Variants in PPP1R13L observed in about 807,000 individuals in gnomAD.
The protein encoded by PPP1R13L is protein phosphatase 1 regulatory subunit 13 like, also known as relA-associated inhibitor.
Under a neutral mutation model 80.9 loss-of-function variants are expected in PPP1R13L, and 50 were observed. The ratio of observed to expected loss-of-function variants is 0.62; its 90% CI spans 0.49 to 0.78. PPP1R13L has a LOEUF of 0.78. Ranked by LOEUF, PPP1R13L falls within the 30% of genes least tolerant of loss-of-function variation. The probability of loss-of-function intolerance (pLI) is 0.00; values close to 1 mark genes in which losing one functional copy is unlikely to be tolerated. For missense variants in PPP1R13L, 1,200 were observed against 1,205.9 expected (o/e 1.00, Z 0.07); for synonymous variants, 602 against 534.3 (o/e 1.13, Z -1.75).
At chr19:45,389,092 A>T (rs1165575098) in intron 8 of PPP1R13L, among the ~76,000 whole-genome samples, 1 of 152,122 alleles carries the variant, frequency 6.6e-6, no homozygotes, top group African/African-American at 2.4e-5. Context: ...AGGGCTCTAA[A>T]ATGTTACTAT....
intron 7 of PPP1R13L, chr19:45,393,068 C>T (rs1973011431): frequency 6.6e-6 from 1 of 150,594 alleles, no homozygotes; most frequent in Non-Finnish European, 1.5e-5. Context: ...TGCCTGTAAT[C>T]CCAGCTACTC....
chr19:45,398,422 G>T (rs374836161), intron 1 of PPP1R13L, 83 bp from the exon 2 acceptor site: 16 of 1,353,628 alleles, frequency 1.2e-5, no homozygotes, highest in Admixed American at 6.1e-5. Context: ...CGTCAGGAGC[G>T]GGACAACGCC....
At position 45,382,682 on chromosome 19, in the gene PPP1R13L, C is replaced by A; in HGVS notation, c.2293G>T (p.Ala765Ser). Residue 765 changes from alanine to serine, a missense_variant, in exon 12 of 13, where the codon GCT becomes TCT. Ala to Ser is a moderately conservative substitution (Grantham distance 99, BLOSUM62 1). This residue lies in a region of PPP1R13L where 165 missense variants were observed against 177.1 expected (regional missense o/e 0.93). Transcript: ENST00000360957. Reference sequence around the variant, plus strand: ...AACTCGGCGCTGTAGTCCCAGAGAGCGTACACTGCCCCGCTGTTCATCAGC... The same window carrying A: ...AACTCGGCGCTGTAGTCCCAGAGAGAGTACACTGCCCCGCTGTTCATCAGC... ...MGLMNSGAVY[A>S]LWDYSAEFGD... 2 of 1,614,054 alleles carry A rather than the reference C, an allele frequency of 1.2e-6. No homozygotes were observed. The highest frequency in any genetic ancestry group is 1.7e-5 in the Admixed American group (1 of 60,030).
At chr19:45,393,927 C>G (rs1973030255) in intron 7 of PPP1R13L, among the ~76,000 whole-genome samples, 1 of 152,034 alleles carries the variant, frequency 6.6e-6, no homozygotes, top group African/African-American at 2.4e-5. Context: ...CCAAAACACA[C>G]ACACATACAC....
intron 1 of PPP1R13L, among the ~76,000 whole-genome samples, chr19:45,400,562 G>T (rs1460565594): frequency 2.6e-5 from 4 of 151,386 alleles, no homozygotes; most frequent in Non-Finnish European, 5.9e-5. Flanking sequence ...CCACTCCCTG[G>T]GCCTCAGTCT....
intron 8 of PPP1R13L, among the ~76,000 whole-genome samples, chr19:45,389,888 C>A (rs932781473): frequency 6.6e-6 from 1 of 151,812 alleles, no homozygotes; most frequent in African/African-American, 2.4e-5. Context: ...CTCCGCCTCC[C>A]GGGCTCACGC....
intron 1 of PPP1R13L, 49 bp downstream of exon 1, chr19:45,404,950 G>T (rs1014186896): frequency 2.1e-6 from 2 of 974,540 alleles, no homozygotes; most frequent in Non-Finnish European, 2.4e-6. Flanking sequence ...CAGGGACGCG[G>T]GTGTTGGGCT....
chr19:45,391,400 G>A (rs1235932501), intron 8 of PPP1R13L, among the ~76,000 whole-genome samples: 2 of 152,216 alleles, frequency 1.3e-5, no homozygotes, highest in African/African-American at 4.8e-5. Context: ...CACAGGCACA[G>A]GTTATTGGAG....
intron 3 of PPP1R13L, 41 bp downstream of exon 3, chr19:45,397,964 G>C (rs1490711513): frequency 6.3e-6 from 10 of 1,583,788 alleles, no homozygotes; most frequent in African/African-American, 2.7e-5. Context: ...GGACTGTGGC[G>C]AGAGGCTGGC....
At chr19:45,386,397 GCCCTGAAACTT>G (rs762644310) in intron 8 of PPP1R13L, among the ~76,000 whole-genome samples, 1 of 152,092 alleles carries the variant, frequency 6.6e-6, no homozygotes, top group African/African-American at 2.4e-5. Flanking sequence ...AGAATCTTGG[GCCCTGAAACTT>G]GGGAGAAAGC....
In PPP1R13L at chr19:45,398,265, C is replaced by T; in HGVS notation, c.54G>A (p.Gln18=). The change falls in exon 2 of 13, where the codon CAG becomes CAA. Residue 18 remains glutamine (Q), a splice_region_variant and synonymous_variant. Coordinates refer to ENST00000360957, the MANE Select transcript of PPP1R13L (RefSeq NM_006663.4). ...SARDFLDMNF[Q]SLAMKHMDLK... Reference sequence around the variant, plus strand: ...GCCCCGCCCCCTACTCCAGCTTACACTGGAAGTTCATGTCCAGAAAGTCCC... The same window carrying T: ...GCCCCGCCCCCTACTCCAGCTTACATTGGAAGTTCATGTCCAGAAAGTCCC... 6.2e-7 allele frequency: 1 copy of T among 1,613,992 alleles called. No individual in the cohort carries two copies. The highest frequency in any genetic ancestry group is 1.7e-4 in the Middle Eastern group (1 of 6,060).
At chr19:45,404,715 T>G (rs1422490823) in intron 1 of PPP1R13L, among the ~76,000 whole-genome samples, 1 of 152,038 alleles carries the variant, frequency 6.6e-6, no homozygotes, top group African/African-American at 2.4e-5. Flanking sequence ...ACCCAAAGAC[T>G]CGGCTTCCTA....
At chr19:45,389,097 T>C (rs1485278578) in intron 8 of PPP1R13L, among the ~76,000 whole-genome samples, 1 of 152,208 alleles carries the variant, frequency 6.6e-6, no homozygotes, top group Non-Finnish European at 1.5e-5. Context: ...TCTAAAATGT[T>C]ACTATCCTAA....
chr19:45,398,321 T>G lies in PPP1R13L; in HGVS notation c.-3A>C. On this transcript the variant is annotated 5_prime_UTR_variant, in exon 2 of 13. Transcript: ENST00000360957. ...CTCTGGAATGCCTCGCTGTCCATGGTGCCGGCCGGAGCGGGCGCCTGCATG... is the reference window on the plus strand; with the variant it reads ...CTCTGGAATGCCTCGCTGTCCATGGGGCCGGCCGGAGCGGGCGCCTGCATG... 6.2e-7 allele frequency: 1 copy of G among 1,613,552 alleles called. No homozygotes were observed. The highest frequency in any genetic ancestry group is 8.5e-7 in the Non-Finnish European group (1 of 1,179,878).
intron 9 of PPP1R13L, 44 bp from the exon 10 acceptor site, chr19:45,386,001 C>T: frequency 6.4e-7 from 1 of 1,560,964 alleles, no homozygotes; most frequent in African/African-American, 1.4e-5. Flanking sequence ...CCGCGGCTGG[C>T]ATCTGCGATG....
chr19:45,396,216 C>A lies in PPP1R13L; in HGVS notation c.855G>T (p.Leu285=). The A allele has an allele frequency of 6.2e-7, 1 of 1,612,128 alleles. No individual in the cohort carries two copies. Among genetic ancestry groups the A allele is most frequent in the Non-Finnish European group, 8.5e-7 (1 of 1,179,740 alleles). Residue 285 remains leucine, a synonymous_variant, in exon 6 of 13, where the codon CTG becomes CTT. Transcript: ENST00000360957. The surrounding 1 kb of genome is among the most constrained non-coding windows in gnomAD (Gnocchi z 5.3). ...FARPASPSLQ[L]LPWRESSLDG... ...CCAGGCTGCTCTCCCTCCAAGGCAA[C>A]AGCTGCAGGCTCGGCGAGGCAGGCC...
At position 45,396,949 on chromosome 19, in the gene PPP1R13L, G is replaced by T; in HGVS notation, c.308C>A (p.Ala103Asp). The T allele has an allele frequency of 7.0e-7, 1 of 1,429,594 alleles. No individual in the cohort carries two copies. The highest frequency in any genetic ancestry group is 9.1e-7 in the Non-Finnish European group (1 of 1,093,352). 88.6% of individuals were successfully genotyped at this position (1,429,594 alleles called of 1,614,324 possible). A position where few individuals can be genotyped will look rare whatever the true frequency, so the allele number is the denominator to read the frequency against. Reference protein sequence around the residue: ...ADTPFGRSESAPTLHPYSPLS... With the variant: ...ADTPFGRSESDPTLHPYSPLS... ...CGGGCTGTAGGGGTGTAGGGTTGGGGCACTCTCTGATCGTCCGAACGGGGT... is the reference window on the plus strand; with the variant it reads ...CGGGCTGTAGGGGTGTAGGGTTGGGTCACTCTCTGATCGTCCGAACGGGGT... The change falls in exon 4 of 13, where the codon GCC (alanine) becomes GAC (aspartate). Residue 103 changes from alanine to aspartate, a missense_variant. By Grantham distance (126) the Ala-to-Asp change is moderately radical. Transcript: ENST00000360957. The surrounding 1 kb of genome is among the most constrained non-coding windows in gnomAD (Gnocchi z 5.3).
At chr19:45,397,972 G>A in intron 3 of PPP1R13L, 33 bp downstream of exon 3, 1 of 1,590,202 alleles carries the variant, frequency 6.3e-7, no homozygotes, top group Non-Finnish European at 8.6e-7. Context: ...GCGAGAGGCT[G>A]GCTTTGGAGA....
intron 7 of PPP1R13L, among the ~76,000 whole-genome samples, chr19:45,393,522 G>T (rs1015125123): frequency 4.2e-4 from 64 of 151,594 alleles, no homozygotes; most frequent in African/African-American, 1.5e-3. Context: ...AACCTGGGAG[G>T]TGTAGGATGC....
Sources: allele counts gnomAD v4.1 joint callset (sites outside exome capture counted in the v4.1 genomes callset), GRCh38; gene constraint gnomAD v4.1.1; regional missense constraint gnomAD v4.1.1; non-coding constraint Gnocchi (gnomAD v3.1); transcripts MANE v1.5; gene names NCBI Gene and HGNC (gene_info 2026-07-23, HGNC 2026-07-21).